PTK2B: variants seen among roughly 807,000 people sequenced by gnomAD.
PTK2B encodes the protein protein-tyrosine kinase 2-beta.
A neutral mutation model predicts 142.9 loss-of-function variants in PTK2B; 71 were observed. The observed-to-expected ratio is 0.50, with a 90% CI of 0.41 to 0.61. PTK2B has a LOEUF of 0.61. Among genes scored for constraint, PTK2B ranks in the 20% least tolerant of loss-of-function variants. The pLI, the probability that PTK2B is intolerant of heterozygous loss-of-function variation, is 0.00. For missense variants in PTK2B, 1,105 were observed against 1,320.4 expected (o/e 0.84, Z 2.53); for synonymous variants, 519 against 503.4 (o/e 1.03, Z -0.42).
In PTK2B at chr8:27,411,129, T is replaced by C. The variant is rs117268613; in HGVS notation, c.205-8766T>C. Among the ~76,000 whole-genome samples the C allele has an allele frequency of 2.3e-3, 347 of 152,330 alleles. 1 individual carries two copies. The highest frequency in any genetic ancestry group is 0.01 in the Middle Eastern group (3 of 294). ...GGCAATCTAGTGAATAGATAATCATTATATACTGTCATTTTTTAAAAGTGA... is the reference window on the plus strand; with the variant it reads ...GGCAATCTAGTGAATAGATAATCATCATATACTGTCATTTTTTAAAAGTGA... On this transcript the variant is annotated intron_variant, in intron 2 of 30. Transcript: ENST00000346049.
intron 11 of PTK2B, 134 bp downstream of exon 11, chr8:27,433,686 G>T: frequency 1.3e-6 from 1 of 789,884 alleles, no homozygotes; most frequent in Non-Finnish European, 2.0e-6. Context: ...CCAGCGGGAA[G>T]CTTCCAGTGG....
intron 26 of PTK2B, 136 bp from the exon 27 acceptor site, chr8:27,451,349 T>A: frequency 3.5e-6 from 5 of 1,426,096 alleles, no homozygotes; most frequent in Non-Finnish European, 4.7e-6. Context: ...CACGAGCTGC[T>A]CCCAGAAGCA....
chr8:27,346,499 T>C lies in PTK2B; in HGVS notation c.-38+20818T>C, dbSNP rs143028694. ...AGGTTGAGGCTACAGTGAGCCGTGA[T>C]TGTGCAGCTGCACTCCAGCCTGGGC... is the stretch of plus-strand genomic sequence containing the variant. On this transcript the variant is annotated intron_variant, in intron 1 of 30. Coordinates refer to ENST00000346049, the MANE Select transcript of PTK2B (RefSeq NM_173176.3). 7.7e-4 allele frequency among the ~76,000 whole-genome samples: 117 copies of C among 152,298 alleles called. 1 individual carries two copies. Among genetic ancestry groups the C allele is most frequent in the African/African-American group, 2.7e-3 (114 of 41,554 alleles).
intron 24 of PTK2B, among the ~76,000 whole-genome samples, chr8:27,448,656 T>G (rs1811624924): frequency 6.6e-6 from 1 of 152,232 alleles, no homozygotes; most frequent in Admixed American, 6.5e-5. Context: ...CTCATCCAAC[T>G]GGTACTTACC....
intron 2 of PTK2B, among the ~76,000 whole-genome samples, chr8:27,401,605 A>G (rs1443089133): frequency 1.6e-4 from 24 of 152,256 alleles, no homozygotes; most frequent in Non-Finnish European, 4.4e-5. Context: ...GTGGGAAGGC[A>G]CATAGCGGGT....
At chr8:27,413,919 T>A (rs958970862) in intron 2 of PTK2B, among the ~76,000 whole-genome samples, 2 of 152,180 alleles carry the variant, frequency 1.3e-5, no homozygotes, top group African/African-American at 4.8e-5. Flanking sequence ...ATTTTCTTCT[T>A]CCCCAATTAT....
intron 1 of PTK2B, among the ~76,000 whole-genome samples, chr8:27,347,209 T>C (rs1397238213): frequency 1.5e-5 from 1 of 64,982 alleles, no homozygotes. Flanking sequence ...AAACCCCATC[T>C]CTACTAAAAA....
At chr8:27,367,777 G>A (rs1806108918) in intron 1 of PTK2B, among the ~76,000 whole-genome samples, 1 of 152,164 alleles carries the variant, frequency 6.6e-6, no homozygotes, top group East Asian at 1.9e-4. Flanking sequence ...AGAAGCAGGG[G>A]AGGTGCCAGC....
intron 2 of PTK2B, 61 bp downstream of exon 2, chr8:27,397,849 TGAG>T (rs1563251778): frequency 6.3e-7 from 1 of 1,582,164 alleles, no homozygotes; most frequent in Non-Finnish European, 8.7e-7. Context: ...CCTGGGCAGC[TGAG>T]CAGCTCTCCT....
At chr8:27,321,038 C>T (rs568088449), upstream of PTK2B, among the ~76,000 whole-genome samples, 5 of 113,702 alleles carry the variant, frequency 4.4e-5, no homozygotes, top group South Asian at 1.5e-3. Flanking sequence ...GTTGCCCAAG[C>T]TAAATTCATC....
intron 1 of PTK2B, among the ~76,000 whole-genome samples, chr8:27,327,163 A>G (rs1380938755): frequency 2.0e-5 from 3 of 152,212 alleles, no homozygotes; most frequent in Non-Finnish European, 4.4e-5. Context: ...GGCGGCATCC[A>G]GGAAAATGAA....
chr8:27,393,856 A>G (rs1345465458), intron 1 of PTK2B, among the ~76,000 whole-genome samples: 1 of 151,994 alleles, frequency 6.6e-6, no homozygotes, highest in East Asian at 1.9e-4. Context: ...ATCGCCAAAG[A>G]TGTCCAGGGG....
chr8:27,361,841 G>A (rs6557993), intron 1 of PTK2B, among the ~76,000 whole-genome samples: 191 of 152,148 alleles, frequency 1.3e-3, no homozygotes, highest in African/African-American at 4.5e-3. Context: ...CCCCTGCTCC[G>A]CTCCACACCC....
chr8:27,354,591 C>G (rs1805291215), intron 1 of PTK2B, among the ~76,000 whole-genome samples: 1 of 152,164 alleles, frequency 6.6e-6, no homozygotes, highest in Non-Finnish European at 1.5e-5. Context: ...ACTTGGAAAA[C>G]AGGAAAATAG....
intron 1 of PTK2B, among the ~76,000 whole-genome samples, chr8:27,352,151 G>A (rs1029108436): frequency 8.5e-5 from 13 of 152,160 alleles, no homozygotes; most frequent in East Asian, 1.9e-4. Flanking sequence ...TCTTCCAAGC[G>A]CTGCTGTCCC....
rs577913050 is a variant in PTK2B, at chr8:27,348,363, C to T, written c.-38+22682C>T. The stretch of plus-strand genomic sequence containing the variant: ...CATGACAGGACTCTCCTAAATTTCA[C>T]TTGCCAAGACCCCTCGGTCAAAGTA... On this transcript the variant is annotated intron_variant, in intron 1 of 30. Coordinates refer to ENST00000346049, the MANE Select transcript of PTK2B (RefSeq NM_173176.3). Among the ~76,000 whole-genome samples the T allele has an allele frequency of 2.0e-5, 3 of 152,342 alleles. No individual in the cohort carries two copies. In the East Asian group the frequency reaches 5.8e-4, roughly 29 times the overall value.
chr8:27,455,551 TAATA>T (rs746224143), intron 30 of PTK2B, among the ~76,000 whole-genome samples: 5 of 152,046 alleles, frequency 3.3e-5, no homozygotes, highest in African/African-American at 4.8e-5. Flanking sequence ...TATCTCAAAA[TAATA>T]AATAAAACAA....
intron 1 of PTK2B, among the ~76,000 whole-genome samples, chr8:27,382,073 TGGAGTAGCTA>T: frequency 6.6e-6 from 1 of 152,158 alleles, no homozygotes; most frequent in Non-Finnish European, 1.5e-5. Context: ...CCTCGGCCAT[TGGAGTAGCTA>T]GGATTACAGG....
chr8:27,311,500 G>A lies in PTK2B; in HGVS notation c.-790G>A. On this transcript the variant is annotated 5_prime_UTR_variant, in exon 1 of 36. Transcript: ENST00000397501. Reference sequence around the variant, plus strand: ...TCTGCCCGCAGTTCCCGCCTCCTCAGGTCCGGGCGGGTCCCTGGCCGGGGT... The same window carrying A: ...TCTGCCCGCAGTTCCCGCCTCCTCAAGTCCGGGCGGGTCCCTGGCCGGGGT... 3 of 530,198 alleles carry A rather than the reference G, an allele frequency of 5.7e-6. No homozygotes were observed. The South Asian group carries it at 8.2e-5, about 14-fold the overall frequency. The allele number at this position is 530,198 out of a possible 1,614,324, so 32.8% of individuals were successfully genotyped here. A position where few individuals can be genotyped will look rare whatever the true frequency, so the allele number is the denominator to read the frequency against.
Sources: gnomAD v4.1 joint callset for allele counts (sites outside exome capture counted in the v4.1 genomes callset) on GRCh38, gnomAD v4.1.1 for gene constraint, MANE v1.5 for transcripts, NCBI Gene and HGNC (gene_info 2026-07-23, HGNC 2026-07-21) for gene names.